ADGRB3: variants seen among roughly 807,000 people sequenced by gnomAD.
The protein encoded by ADGRB3 is adhesion G protein-coupled receptor B3, also known as brain-specific angiogenesis inhibitor 3.
In ADGRB3, 37 loss-of-function variants were observed where a neutral mutation model predicts 193.4. The observed-to-expected ratio is 0.19, with a 90% CI of 0.15 to 0.25. The LOEUF is 0.25. Ranked by LOEUF, ADGRB3 falls within the 10% of genes least tolerant of loss-of-function variation. The pLI, the probability that ADGRB3 is intolerant of heterozygous loss-of-function variation, is 1.00. For missense variants in ADGRB3, 1,637 were observed against 1,852.9 expected, an observed-to-expected ratio of 0.88 and a Z score of 2.14; for synonymous variants, 690 against 644.2, an observed-to-expected ratio of 1.07 and a Z score of -1.08.
intron 3 of ADGRB3, among the ~76,000 whole-genome samples, chr6:68,750,013 A>T (rs1054898049): frequency 6.6e-6 from 1 of 152,162 alleles, no homozygotes; most frequent in East Asian, 1.9e-4. Flanking sequence ...GTTAGTGAAC[A>T]TCCATTTTGT....
chr6:68,990,742 A>G (rs1769215880), intron 10 of ADGRB3, among the ~76,000 whole-genome samples: 1 of 152,166 alleles, frequency 6.6e-6, no homozygotes, highest in Admixed American at 6.6e-5. Flanking sequence ...TACAAGTTAA[A>G]TCCCTCACAG....
At chr6:69,021,794 T>C (rs1441486389) in intron 13 of ADGRB3, among the ~76,000 whole-genome samples, 1 of 151,892 alleles carries the variant, frequency 6.6e-6, no homozygotes, top group Non-Finnish European at 1.5e-5. Context: ...AGCTTCTTTT[T>C]TTCTGAAAAA....
At chr6:68,726,463 A>G (rs997982872) in intron 3 of ADGRB3, among the ~76,000 whole-genome samples, 43 of 151,604 alleles carry the variant, frequency 2.8e-4, no homozygotes, top group African/African-American at 8.5e-4. Context: ...GCAGAGAAAA[A>G]CAAATGAGCT....
At chr6:69,239,676 C>T (rs1215454421) in intron 20 of ADGRB3, among the ~76,000 whole-genome samples, 2 of 151,966 alleles carry the variant, frequency 1.3e-5, no homozygotes, top group Admixed American at 1.3e-4. Flanking sequence ...TGAAAAATAT[C>T]CATAGGCAAT....
intron 20 of ADGRB3, among the ~76,000 whole-genome samples, chr6:69,292,713 C>CT (rs58594374): frequency 0.017 from 2,452 of 144,886 alleles, 54 homozygotes; most frequent in African/African-American, 0.052. Flanking sequence ...CAACCTCTTT[C>CT]TTTTTTTTTT....
intron 3 of ADGRB3, among the ~76,000 whole-genome samples, chr6:68,875,054 C>A: frequency 6.8e-6 from 1 of 147,958 alleles, no homozygotes; most frequent in East Asian, 2.0e-4. Flanking sequence ...TTCCTTCCTT[C>A]CTTCCTTTCT....
intron 26 of ADGRB3, among the ~76,000 whole-genome samples, chr6:69,343,428 C>G (rs953304658): frequency 6.9e-6 from 1 of 145,230 alleles, no homozygotes; most frequent in Non-Finnish European, 1.5e-5. Context: ...AGTGAGAATA[C>G]GCGGTGTTTG....
intron 17 of ADGRB3, chr6:69,232,502 G>T: frequency 1.3e-6 from 2 of 1,535,418 alleles, no homozygotes; most frequent in East Asian, 2.4e-5. Context: ...TTATTCCTCT[G>T]AATGTTCTAG....
chr6:68,791,460 T>C (rs974069226), intron 3 of ADGRB3, among the ~76,000 whole-genome samples: 1 of 152,242 alleles, frequency 6.6e-6, no homozygotes, highest in Non-Finnish European at 1.5e-5. Flanking sequence ...TTTGCTCTTT[T>C]TCTTGTTGTT....
Position 69,270,322 on chromosome 6 carries a change from G to A in ADGRB3, c.2814+31096G>A, listed in dbSNP as rs1414171568. 3.3e-5 allele frequency among the ~76,000 whole-genome samples: 5 copies of A among 152,272 alleles called. No homozygotes were observed. In the East Asian group the frequency reaches 9.6e-4, roughly 29 times the overall value. On this transcript the variant is annotated intron_variant, in intron 20 of 31. Transcript: ENST00000370598. ...AGGATGTCACAGAGAGAAACACTGGGATTTGGTGTACTTCCTCTGCTCTTT... is the reference window on the plus strand; with the variant it reads ...AGGATGTCACAGAGAGAAACACTGGAATTTGGTGTACTTCCTCTGCTCTTT...
At chr6:68,956,215 G>A (rs950443752) in intron 7 of ADGRB3, 27 bp downstream of exon 7, 3 of 1,586,806 alleles carry the variant, frequency 1.9e-6, no homozygotes, top group Non-Finnish European at 8.6e-7. Context: ...GCATATCATG[G>A]GCACTCGTAC....
intron 3 of ADGRB3, among the ~76,000 whole-genome samples, chr6:68,708,728 T>A (rs192893164): frequency 6.6e-6 from 1 of 152,348 alleles, no homozygotes; most frequent in Admixed American, 6.5e-5. Context: ...AATATCTTAC[T>A]GTTGATCCAT....
chr6:68,942,962 A>G (rs1767683595), intron 5 of ADGRB3, among the ~76,000 whole-genome samples: 1 of 152,168 alleles, frequency 6.6e-6, no homozygotes, highest in Non-Finnish European at 1.5e-5. Flanking sequence ...ACTTATTCAC[A>G]GTGGTTATTC....
At chr6:68,717,363 G>A (rs995317754) in intron 3 of ADGRB3, among the ~76,000 whole-genome samples, 34 of 151,714 alleles carry the variant, frequency 2.2e-4, no homozygotes, top group African/African-American at 4.8e-4. Flanking sequence ...AAAAGCCTTG[G>A]CATTAAAAAC....
intron 3 of ADGRB3, among the ~76,000 whole-genome samples, chr6:68,753,663 T>C (rs1766244748): frequency 6.6e-6 from 1 of 152,098 alleles, no homozygotes; most frequent in Non-Finnish European, 1.5e-5. Context: ...GACTGAAAGG[T>C]GTCAGAAAAA....
intron 17 of ADGRB3, among the ~76,000 whole-genome samples, chr6:69,107,502 T>C (rs1017517128): frequency 2.0e-5 from 3 of 152,232 alleles, no homozygotes; most frequent in African/African-American, 4.8e-5. Context: ...CTTTCTTATT[T>C]AAGAAATCAA....
chr6:68,764,811 C>G (rs1012812684), intron 3 of ADGRB3, among the ~76,000 whole-genome samples: 1 of 152,140 alleles, frequency 6.6e-6, no homozygotes, highest in Non-Finnish European at 1.5e-5. Flanking sequence ...TGAAATGTTT[C>G]AACATGGTGC....
chr6:69,165,342 G>T (rs112371430), intron 17 of ADGRB3, among the ~76,000 whole-genome samples: 1 of 151,886 alleles, frequency 6.6e-6, no homozygotes, highest in African/African-American at 2.4e-5. Flanking sequence ...AAATATGTAG[G>T]ACACAAGATA....
intron 3 of ADGRB3, among the ~76,000 whole-genome samples, chr6:68,713,428 A>T (rs1454201487): frequency 6.6e-6 from 1 of 151,790 alleles, no homozygotes; most frequent in Non-Finnish European, 1.5e-5. Context: ...AATCATTCCC[A>T]GACTGAGCAT....
Sources: allele counts gnomAD v4.1 joint callset (sites outside exome capture counted in the v4.1 genomes callset), GRCh38; gene constraint gnomAD v4.1.1; transcripts MANE v1.5; gene names NCBI Gene and HGNC (gene_info 2026-07-23, HGNC 2026-07-21).